The following CLSTN2 variants were observed in gnomAD, a reference collection of about 807,000 sequenced individuals.
CLSTN2 encodes the protein calsyntenin 2, also known as calsyntenin-2.
In CLSTN2, 48 loss-of-function variants were observed where a neutral mutation model predicts 101.2. The ratio of observed to expected loss-of-function variants is 0.47; its 90% CI spans 0.38 to 0.60. The LOEUF (loss-of-function observed/expected upper bound fraction) is 0.60, where lower values mean the gene tolerates loss of function less well. CLSTN2 is among the 20% of genes least tolerant of loss of function. CLSTN2 has a pLI of 0.00. For synonymous variants in CLSTN2, 481 were observed against 463.6 expected (o/e 1.04, Z -0.48); for missense variants, 1,160 against 1,238.2 (o/e 0.94, Z 0.95).
intron 9 of CLSTN2, among the ~76,000 whole-genome samples, chr3:140,532,927 C>A (rs888851421): frequency 1.1e-4 from 17 of 152,196 alleles, no homozygotes; most frequent in Non-Finnish European, 2.9e-5. Flanking sequence ...TGGGAACTCA[C>A]AAATGCCCAG....
intron 5 of CLSTN2, among the ~76,000 whole-genome samples, chr3:140,438,452 A>AAAAAAAAAAAC: frequency 1.3e-5 from 2 of 150,314 alleles, no homozygotes; most frequent in Non-Finnish European, 3.0e-5. Flanking sequence ...AAAAAAAAAA[A>AAAAAAAAAAAC]AGCTTTGAAG....
At chr3:140,096,380 T>C (rs560094604) in intron 1 of CLSTN2, among the ~76,000 whole-genome samples, 1 of 152,338 alleles carries the variant, frequency 6.6e-6, no homozygotes, top group South Asian at 2.1e-4. Context: ...GTTTATAATA[T>C]GTTACATCTC....
chr3:140,011,307 T>A (rs2007068131), intron 1 of CLSTN2, among the ~76,000 whole-genome samples: 1 of 152,168 alleles, frequency 6.6e-6, no homozygotes, highest in African/African-American at 2.4e-5. Flanking sequence ...TTTTGGTGGA[T>A]GTCTTGCTTT....
At chr3:140,132,502 T>C (rs918182055) in intron 1 of CLSTN2, among the ~76,000 whole-genome samples, 1 of 152,162 alleles carries the variant, frequency 6.6e-6, no homozygotes, top group Non-Finnish European at 1.5e-5. Context: ...CGGGCTTTAG[T>C]GGACCCAATT....
chr3:140,012,068 G>A (rs2007087290), intron 1 of CLSTN2, among the ~76,000 whole-genome samples: 3 of 152,280 alleles, frequency 2.0e-5, no homozygotes, highest in African/African-American at 4.8e-5. Context: ...GCTGGGCACT[G>A]CCTGAGTAAG....
chr3:139,956,386 A>T (rs1313342290), intron 1 of CLSTN2, among the ~76,000 whole-genome samples: 2 of 152,166 alleles, frequency 1.3e-5, no homozygotes, highest in Admixed American at 1.3e-4. Context: ...CTAGGGCTTG[A>T]CAGAGAGGCC....
chr3:140,106,086 A>G (rs1470308568), intron 1 of CLSTN2, among the ~76,000 whole-genome samples: 1 of 152,140 alleles, frequency 6.6e-6, no homozygotes, highest in Non-Finnish European at 1.5e-5. Flanking sequence ...GCTGCCTTAT[A>G]TAGTCAGATC....
chr3:140,177,062 T>C (rs930031056), intron 2 of CLSTN2, among the ~76,000 whole-genome samples: 1 of 152,154 alleles, frequency 6.6e-6, no homozygotes, highest in African/African-American at 2.4e-5. Context: ...AGCGAGAAGG[T>C]AGTTATATTA....
intron 1 of CLSTN2, among the ~76,000 whole-genome samples, chr3:139,952,237 A>G (rs897051767): frequency 6.6e-6 from 1 of 152,214 alleles, no homozygotes; most frequent in African/African-American, 2.4e-5. Flanking sequence ...GACCTGGTTG[A>G]CATTCTGATT....
At chr3:140,402,975 C>G (rs1314906700) in intron 2 of CLSTN2, among the ~76,000 whole-genome samples, 1 of 152,020 alleles carries the variant, frequency 6.6e-6, no homozygotes, top group Non-Finnish European at 1.5e-5. Context: ...TCAGCACTTC[C>G]CAAGACATTT....
intron 1 of CLSTN2, among the ~76,000 whole-genome samples, chr3:140,076,330 C>A (rs1048700257): frequency 2.6e-5 from 4 of 152,150 alleles, no homozygotes; most frequent in Admixed American, 2.6e-4. Context: ...TAGGCTGTTT[C>A]CTCACCTGCT....
intron 1 of CLSTN2, among the ~76,000 whole-genome samples, chr3:140,014,953 C>T (rs927095627): frequency 6.6e-6 from 1 of 152,186 alleles, no homozygotes; most frequent in Non-Finnish European, 1.5e-5. Flanking sequence ...TGCTTACAAG[C>T]TAACAGCCTG....
chr3:140,128,960 T>G (rs2107803123), intron 1 of CLSTN2, among the ~76,000 whole-genome samples: 1 of 152,222 alleles, frequency 6.6e-6, no homozygotes, highest in South Asian at 2.1e-4. Context: ...GGTGCATACT[T>G]ACATTCTCAG....
chr3:140,135,865 A>T (rs1454078533), intron 1 of CLSTN2, among the ~76,000 whole-genome samples: 1 of 152,186 alleles, frequency 6.6e-6, no homozygotes, highest in Non-Finnish European at 1.5e-5. Flanking sequence ...TGTAACCCCA[A>T]ACTAAGTTAT....
At chr3:140,000,001 TCCTCCCTC>T (rs55689931) in intron 1 of CLSTN2, among the ~76,000 whole-genome samples, 1 of 148,552 alleles carries the variant, frequency 6.7e-6, no homozygotes, top group Non-Finnish European at 1.5e-5. Context: ...AAGTTAAAGA[TCCTCCCTC>T]CCTCCCTCCC....
At chr3:140,011,339 C>T (rs796091233) in intron 1 of CLSTN2, among the ~76,000 whole-genome samples, 5 of 152,212 alleles carry the variant, frequency 3.3e-5, no homozygotes, top group African/African-American at 9.6e-5. Flanking sequence ...TCAGCAGAGC[C>T]GAGGAGCCAG....
chr3:140,322,159 T>C (rs79260694), intron 2 of CLSTN2, among the ~76,000 whole-genome samples: 3,676 of 152,322 alleles, frequency 0.024, 142 homozygotes, highest in African/African-American at 0.08. Context: ...AACTACAGTG[T>C]TGGGGAGAGG....
At chr3:140,464,149 C>A (rs1255318439) in intron 7 of CLSTN2, among the ~76,000 whole-genome samples, 1 of 152,156 alleles carries the variant, frequency 6.6e-6, no homozygotes, top group Non-Finnish European at 1.5e-5. Context: ...CTTTATACTT[C>A]TTTTCCTCTC....
At chr3:140,215,029 A>G (rs1157592217) in intron 2 of CLSTN2, among the ~76,000 whole-genome samples, 1 of 152,216 alleles carries the variant, frequency 6.6e-6, no homozygotes, top group African/African-American at 2.4e-5. Flanking sequence ...TATTTTAGTA[A>G]CTGCACTTCT....
Sources: gnomAD v4.1 joint callset for allele counts (sites outside exome capture counted in the v4.1 genomes callset) on GRCh38, gnomAD v4.1.1 for gene constraint, MANE v1.5 for transcripts, NCBI Gene and HGNC (gene_info 2026-07-23, HGNC 2026-07-21) for gene names.